The following MYO1D variants were observed in gnomAD, a reference collection of about 807,000 sequenced individuals.
The protein encoded by MYO1D is unconventional myosin-Id.
Under a neutral mutation model 122.0 loss-of-function variants are expected in MYO1D, and 83 were observed. That is an observed-to-expected ratio of 0.68 (90% CI 0.57 to 0.82). MYO1D has a LOEUF of 0.82. MYO1D is among the 40% of genes least tolerant of loss of function. The probability of loss-of-function intolerance (pLI) is 0.00; values close to 1 mark genes in which losing one functional copy is unlikely to be tolerated. For missense variants in MYO1D, 1,157 were observed against 1,269.5 expected (o/e 0.91, Z 1.35); for synonymous variants, 464 against 446.9 (o/e 1.04, Z -0.48).
intron 21 of MYO1D, among the ~76,000 whole-genome samples, chr17:32,568,963 G>C (rs1316509865): frequency 6.6e-6 from 1 of 152,180 alleles, no homozygotes; most frequent in Non-Finnish European, 1.5e-5. Flanking sequence ...AACTCCTTGA[G>C]GTTGGGGGGT....
At chr17:32,755,968 A>C (rs1598069494) in intron 10 of MYO1D, among the ~76,000 whole-genome samples, 1 of 152,098 alleles carries the variant, frequency 6.6e-6, no homozygotes, top group Non-Finnish European at 1.5e-5. Context: ...CAGATCCCAC[A>C]CCCAACCCTA....
chr17:32,738,524 G>C, intron 13 of MYO1D, 139 bp from the exon 14 acceptor site: 11 of 856,068 alleles, frequency 1.3e-5, no homozygotes, highest in East Asian at 3.1e-5. Context: ...TTGGAATGAT[G>C]ATTCCATCCA....
Position 32,712,009 on chromosome 17 carries a change from C to T in MYO1D, c.2100G>A (p.Arg700=). The part of the protein sequence containing the change: ...LEELRAQMLI[R]IVLFLQKVWR... ...TTACCTTTTGTAGAAAGAGGACAAT[C>T]CTTATGAGCATCTGGGCACGGAGTT... Residue 700 remains arginine (R), a synonymous_variant, in exon 16 of 22, where the codon AGG becomes AGA. Coordinates refer to ENST00000318217, the MANE Select transcript of MYO1D (RefSeq NM_015194.3). 1 of 1,613,888 alleles carries T rather than the reference C, an allele frequency of 6.2e-7. No homozygotes were observed. The highest frequency in any genetic ancestry group is 8.5e-7 in the Non-Finnish European group (1 of 1,179,864).
chr17:32,732,991 G>A (rs2089658339), intron 14 of MYO1D, among the ~76,000 whole-genome samples: 1 of 152,218 alleles, frequency 6.6e-6, no homozygotes, highest in Admixed American at 6.5e-5. Context: ...AGCCTCACAG[G>A]GAACCAGTGT....
intron 1 of MYO1D, among the ~76,000 whole-genome samples, chr17:32,808,654 GT>G (rs1473069862): frequency 2.0e-5 from 3 of 152,246 alleles, no homozygotes; most frequent in African/African-American, 7.2e-5. Context: ...GGTTAACCAG[GT>G]CATCAAGGGT....
intron 1 of MYO1D, among the ~76,000 whole-genome samples, chr17:32,843,879 A>G (rs1213822255): frequency 6.6e-6 from 1 of 152,112 alleles, no homozygotes; most frequent in Non-Finnish European, 1.5e-5. Flanking sequence ...CCACTTTTCT[A>G]TATGGCCATC....
chr17:32,711,320 A>G (rs762274771), intron 16 of MYO1D, among the ~76,000 whole-genome samples: 6 of 152,280 alleles, frequency 3.9e-5, no homozygotes, highest in Non-Finnish European at 7.4e-5. Flanking sequence ...AATTTCAAAC[A>G]TGTTGGCAAC....
rs116181186 is a variant in MYO1D at position 32,525,256 on chromosome 17, C to T, written c.2865-30341G>A. On this transcript the variant is annotated intron_variant, in intron 21 of 21. Transcript: ENST00000318217. ...AGACAAACCTCCCCTCTCTCCTTCC[C>T]CACGTGGATTTCTGTGGCTATCTCA... Among the ~76,000 whole-genome samples, 351 of 152,358 alleles carry T rather than the reference C, an allele frequency of 2.3e-3. 2 individuals are homozygous for T. Among genetic ancestry groups the T allele is most frequent in the African/African-American group, 8.1e-3 (336 of 41,588 alleles).
intron 21 of MYO1D, among the ~76,000 whole-genome samples, chr17:32,561,354 CTT>C (rs71144841): frequency 6.6e-6 from 1 of 150,570 alleles, no homozygotes; most frequent in Non-Finnish European, 1.5e-5. Flanking sequence ...CAACTCTCTC[CTT>C]TTTTTTTAAT....
intron 21 of MYO1D, among the ~76,000 whole-genome samples, chr17:32,496,731 T>C (rs974562584): frequency 6.6e-5 from 10 of 152,124 alleles, no homozygotes; most frequent in African/African-American, 9.7e-5. Flanking sequence ...CTCCTGACCC[T>C]GGCAGCGGCC....
At chr17:32,870,057 C>T (rs1223241933) in intron 1 of MYO1D, among the ~76,000 whole-genome samples, 2 of 152,244 alleles carry the variant, frequency 1.3e-5, no homozygotes, top group South Asian at 2.1e-4. Context: ...GCAGAAGTCT[C>T]CAGGGTCAAG....
At chr17:32,591,018 A>G (rs529896298) in intron 21 of MYO1D, among the ~76,000 whole-genome samples, 2 of 152,358 alleles carry the variant, frequency 1.3e-5, no homozygotes, top group East Asian at 3.9e-4. Flanking sequence ...CACAAAGCAA[A>G]TAAGAATCTT....
At chr17:32,509,574 A>AT (rs1186891109) in intron 21 of MYO1D, among the ~76,000 whole-genome samples, 2 of 151,888 alleles carry the variant, frequency 1.3e-5, no homozygotes, top group Non-Finnish European at 2.9e-5. Flanking sequence ...ATGTGGGCAG[A>AT]TATTTCTTTT....
intron 10 of MYO1D, 63 bp from the exon 11 acceptor site, chr17:32,755,725 A>T: frequency 6.9e-7 from 1 of 1,442,636 alleles, no homozygotes; most frequent in African/African-American, 1.4e-5. Flanking sequence ...TTAAACCCTG[A>T]TGCTCCCATT....
chr17:32,704,894 T>C (rs2089287617), intron 16 of MYO1D, among the ~76,000 whole-genome samples: 1 of 152,188 alleles, frequency 6.6e-6, no homozygotes, highest in Non-Finnish European at 1.5e-5. Context: ...TAAATTTGCA[T>C]TTAATATAAA....
chr17:32,644,742 C>T (rs1468229281), intron 19 of MYO1D, among the ~76,000 whole-genome samples: 1 of 152,046 alleles, frequency 6.6e-6, no homozygotes, highest in African/African-American at 2.4e-5. Flanking sequence ...GCAACCCCTG[C>T]CTTTTTTTGT....
rs370170952 is a variant in MYO1D at position 32,515,690 on chromosome 17, G to T, written c.2865-20775C>A. Among the ~76,000 whole-genome samples the T allele has an allele frequency of 3.0e-4, 46 of 152,298 alleles. 1 individual carries two copies. Among genetic ancestry groups the T allele is most frequent in the African/African-American group, 1.1e-3 (45 of 41,554 alleles). On this transcript the variant is annotated intron_variant, in intron 21 of 21. Transcript: ENST00000318217. Reference sequence around the variant, plus strand: ...TTCCATCACACTGTCACTGAACCTTGCTCCCATCCAGGCAACTATAATCCA... The same window carrying T: ...TTCCATCACACTGTCACTGAACCTTTCTCCCATCCAGGCAACTATAATCCA...
chr17:32,620,385 G>T (rs2087839068), intron 20 of MYO1D, among the ~76,000 whole-genome samples: 1 of 152,158 alleles, frequency 6.6e-6, no homozygotes. Flanking sequence ...TCTGGAGAAG[G>T]GTGCTTATTG....
chr17:32,657,074 G>A (rs962279038), intron 17 of MYO1D, among the ~76,000 whole-genome samples: 7 of 152,120 alleles, frequency 4.6e-5, no homozygotes, highest in South Asian at 2.1e-4. Context: ...CTATAAATAC[G>A]TGTAGCCAAC....
Sources: gnomAD v4.1 joint callset for allele counts (sites outside exome capture counted in the v4.1 genomes callset) on GRCh38, gnomAD v4.1.1 for gene constraint, MANE v1.5 for transcripts, NCBI Gene and HGNC (gene_info 2026-07-23, HGNC 2026-07-21) for gene names.